LPO: variants seen among roughly 807,000 people sequenced by gnomAD.
LPO encodes the protein salivary peroxidase.
In LPO, 70 loss-of-function variants were observed where a neutral mutation model predicts 68.4. The ratio of observed to expected loss-of-function variants is 1.02; its 90% confidence interval spans 0.84 to 1.25. The LOEUF (loss-of-function observed/expected upper bound fraction) is 1.25. Among genes scored for constraint, LPO ranks in the 50% most tolerant of loss-of-function variants. LPO has a pLI of 0.00. For missense variants in LPO, 873 were observed against 908.4 expected (o/e 0.96, Z 0.50); for synonymous variants, 360 against 357.6 (o/e 1.01, Z -0.08).
At chr17:58,264,040 G>A (rs1439456226) in intron 9 of LPO, among the ~76,000 whole-genome samples, 1 of 152,176 alleles carries the variant, frequency 6.6e-6, no homozygotes, top group African/African-American at 2.4e-5. Flanking sequence ...AAGAGACACA[G>A]AGCCTCACTG....
At chr17:58,238,931 A>C (rs183253030) in intron 1 of LPO, among the ~76,000 whole-genome samples, 192 bp downstream of exon 1, 2 of 151,816 alleles carry the variant, frequency 1.3e-5, no homozygotes, top group South Asian at 2.1e-4. Flanking sequence ...GCCTCCCCCC[A>C]CCACTGTGGG....
At chr17:58,259,014 T>C (rs1567821672) in intron 9 of LPO, among the ~76,000 whole-genome samples, 1 of 130,110 alleles carries the variant, frequency 7.7e-6, no homozygotes, top group Non-Finnish European at 1.6e-5. Context: ...TCTCCCAGTC[T>C]ATAATTTGGT....
At position 58,239,459 on chromosome 17, in the gene LPO, T is replaced by C. The variant is rs117450914; in HGVS notation, c.-3+720T>C. Among the ~76,000 whole-genome samples the C allele has an allele frequency of 2.0e-4, 31 of 152,166 alleles. No individual in the cohort carries two copies. The East Asian group carries it at 6.0e-3, about 29-fold the overall frequency. On this transcript the variant is annotated intron_variant, in intron 1 of 12. Coordinates refer to ENST00000262290, the MANE Select transcript of LPO (RefSeq NM_006151.3). ...TTCAGTTGAAGTAGATTATTTCCGC[T>C]CTAGAGGGCTTGATAAGAGCTATCT...
rs1969873104 is a variant in LPO at position 58,247,499 on chromosome 17, T to G, written c.186T>G (p.Ser62=). 6.2e-7 allele frequency: 1 copy of G among 1,613,372 alleles called. No individual in the cohort carries two copies. The highest frequency in any genetic ancestry group is 8.5e-7 in the Non-Finnish European group (1 of 1,179,726). ...GTAGGCTGAAGACCGCCATGAGCTC[T>G]GAGACTCCCACCAGCCGACAGCTCT... ...SRTRLKTAMS[S]ETPTSRQLSE... The change falls in exon 4 of 13, where the codon TCT becomes TCG. Residue 62 remains serine (S), a synonymous_variant. Coordinates refer to ENST00000262290, the MANE Select transcript of LPO (RefSeq NM_006151.3).
rs777426367 is a variant in LPO, at chr17:58,252,208, G to A, written c.807G>A (p.Gly269=). ...TCCCACCCAATGACCCCAAGGCGGG[G>A]ACTCAAGGGAAATGCATGCCTTTCT... ...IMFPPNDPKA[G]TQGKCMPFFR... The change falls in exon 8 of 13, where the codon GGG becomes GGA. Residue 269 remains glycine (G), a synonymous_variant. Transcript: ENST00000262290. 1.2e-6 allele frequency: 2 copies of A among 1,613,976 alleles called. No homozygotes were observed. Among genetic ancestry groups the A allele is most frequent in the African/African-American group, 1.3e-5 (1 of 74,872 alleles).
chr17:58,250,086 C>A (rs191389458), intron 6 of LPO, among the ~76,000 whole-genome samples: 2 of 152,294 alleles, frequency 1.3e-5, no homozygotes, highest in African/African-American at 4.8e-5. Flanking sequence ...CCTGGCACCT[C>A]CGTAGCTCGC....
intron 4 of LPO, 100 bp from the exon 5 acceptor site, chr17:58,248,960 C>CA: frequency 1.1e-6 from 1 of 882,806 alleles, no homozygotes; most frequent in African/African-American, 1.6e-5. Context: ...GAATGCATTC[C>CA]AAAACATGCA....
chr17:58,266,086 G>A lies in LPO; in HGVS notation c.1520-67G>A. Reference sequence around the variant, plus strand: ...GAGAAAATGTCTGGTGGAGGCAGAGGCAAGCCATGAATGATGTTCCCACTC... The same window carrying A: ...GAGAAAATGTCTGGTGGAGGCAGAGACAAGCCATGAATGATGTTCCCACTC... On this transcript the variant is annotated intron_variant, in intron 10 of 12. Coordinates refer to ENST00000262290, the MANE Select transcript of LPO (RefSeq NM_006151.3). The A allele has an allele frequency of 3.4e-6, 5 of 1,486,730 alleles. No individual in the cohort carries two copies. In the South Asian group the frequency reaches 3.7e-5, roughly 11 times the overall value. The allele number at this position is 1,486,730 out of a possible 1,614,324, so 92.1% of individuals were successfully genotyped here. A position where few individuals can be genotyped will look rare whatever the true frequency, so the allele number is the denominator to read the frequency against.
chr17:58,256,444 A>G (rs936350230), intron 9 of LPO, among the ~76,000 whole-genome samples: 1 of 149,950 alleles, frequency 6.7e-6, no homozygotes, highest in Non-Finnish European at 1.5e-5. Context: ...TTGTGGGTAC[A>G]TAGTAGGCGC....
rs755817948 is a variant in LPO, at chr17:58,266,263, A to G, written c.1630A>G (p.Arg544Gly). The change falls in exon 11 of 13, where the codon AGG becomes GGG. Residue 544 changes from arginine to glycine, a missense_variant. By Grantham distance (125) the Arg-to-Gly change is moderately radical (BLOSUM62 -2). Coordinates refer to ENST00000262290, the MANE Select transcript of LPO (RefSeq NM_006151.3). ...CAACAAGCTTTTCCAGCCAACTCAC[A>G]GGATCCATGGCTTTGACCTGGCTGC... ...LRNKLFQPTHRIHGFDLAAIN... is the reference protein window; with the variant it reads ...LRNKLFQPTHGIHGFDLAAIN... 3.1e-6 allele frequency: 5 copies of G among 1,614,194 alleles called. No individual in the cohort carries two copies. In the Admixed American group the frequency reaches 8.3e-5, roughly 27 times the overall value.
chr17:58,255,091 G>A (rs1970046937), intron 9 of LPO, 120 bp downstream of exon 9: 5 of 967,750 alleles, frequency 5.2e-6, no homozygotes, highest in Non-Finnish European at 7.6e-6. Flanking sequence ...GTTTCCCCCG[G>A]CCCCTCTGCT....
chr17:58,250,653 G>T (rs768142311), intron 7 of LPO, 32 bp downstream of exon 7: 6 of 1,601,376 alleles, frequency 3.7e-6, no homozygotes, highest in Non-Finnish European at 8.5e-7. Flanking sequence ...TCTCTGACTA[G>T]CCCCTTGCCC....
intron 1 of LPO, 167 bp from the exon 2 acceptor site, chr17:58,242,811 C>G: frequency 1.7e-6 from 1 of 605,764 alleles, no homozygotes; most frequent in South Asian, 1.9e-5. Context: ...GTACCTAGCA[C>G]AGGCCTGTGT....
At chr17:58,266,391 C>T in intron 11 of LPO, 65 bp downstream of exon 11, 1 of 1,518,438 alleles carries the variant, frequency 6.6e-7, no homozygotes, top group Non-Finnish European at 9.0e-7. Context: ...CTCCTGGAGA[C>T]TCTCTTCTAT....
Position 58,249,648 on chromosome 17 carries a change from T to C in LPO, c.526T>C (p.Phe176Leu). The C allele has an allele frequency of 6.3e-7, 1 of 1,595,368 alleles. No homozygotes were observed. The highest frequency in any genetic ancestry group is 8.5e-7 in the Non-Finnish European group (1 of 1,176,198). ...GTACGAGGACGGGCTCTCCCTGCCCTTCGGCTGGACGCCGGGGAAGACGCG... is the reference window on the plus strand; with the variant it reads ...GTACGAGGACGGGCTCTCCCTGCCCCTCGGCTGGACGCCGGGGAAGACGCG... ...AEYEDGLSLP[F>L]GWTPGKTRNG... Residue 176 changes from phenylalanine to leucine, a missense_variant, in exon 6 of 13, where the codon TTC becomes CTC. Transcript: ENST00000262290.
chr17:58,259,645 A>G (rs1970139572), intron 9 of LPO, among the ~76,000 whole-genome samples: 1 of 152,236 alleles, frequency 6.6e-6, no homozygotes, highest in South Asian at 2.1e-4. Flanking sequence ...TTGCATTAAA[A>G]TTATATATAC....
Position 58,266,233 on chromosome 17 carries a change from C to G in LPO, c.1600C>G (p.Leu534Val), listed in dbSNP as rs1342772110. 1 of 1,614,048 alleles carries G rather than the reference C, an allele frequency of 6.2e-7. No homozygotes were observed. Among genetic ancestry groups the G allele is most frequent in the Non-Finnish European group, 8.5e-7 (1 of 1,180,048 alleles). ...MKQNKMMTGE[L>V]RNKLFQPTHR... ...ACAGAATAAAATGATGACTGGAGAG[C>G]TGCGCAACAAGCTTTTCCAGCCAAC... Residue 534 changes from leucine (L) to valine (V), a missense_variant, in exon 11 of 13, where the codon CTG (leucine) becomes GTG (valine). Physicochemically the swap from Leu to Val is conservative, Grantham distance 32. Coordinates refer to ENST00000262290, the MANE Select transcript of LPO (RefSeq NM_006151.3).
Position 58,249,129 on chromosome 17 carries a change from G to A in LPO, c.395G>A (p.Cys132Tyr), listed in dbSNP as rs1430833980. The A allele has an allele frequency of 1.2e-6, 2 of 1,614,220 alleles. No homozygotes were observed. The highest frequency in any genetic ancestry group is 1.7e-5 in the Admixed American group (1 of 60,032). ...GCGAPAPVVR[C>Y]DPCSPYRTIT... ...GGTGCTCCTGCTCCCGTGGTGAGAT[G>A]CGACCCGTGCAGCCCTTACCGCACC... The change falls in exon 5 of 13, where the codon TGC (cysteine) becomes TAC (tyrosine). Residue 132 changes from cysteine to tyrosine, a missense_variant. Transcript: ENST00000262290.
chr17:58,254,152 T>TATAGATATATAGATATATAGATATATAG (rs1555605278), intron 8 of LPO, among the ~76,000 whole-genome samples: 1 of 133,322 alleles, frequency 7.5e-6, no homozygotes, highest in African/African-American at 3.0e-5. Flanking sequence ...TATATAGATA[T>TATAGATATATAGATATATAGATATATAG]ATAGATAGAT....
Sources: allele counts gnomAD v4.1 joint callset (sites outside exome capture counted in the v4.1 genomes callset), GRCh38; gene constraint gnomAD v4.1.1; transcripts MANE v1.5; gene names NCBI Gene and HGNC (gene_info 2026-07-23, HGNC 2026-07-21).